METTL25: variants seen among roughly 807,000 people sequenced by gnomAD.
METTL25 encodes the protein probable methyltransferase-like protein 25.
In METTL25, 64 loss-of-function variants were observed where a neutral mutation model predicts 71.6. The ratio of observed to expected loss-of-function variants is 0.89; its 90% CI spans 0.73 to 1.10. The LOEUF (loss-of-function observed/expected upper bound fraction) is 1.10. Among genes scored for constraint, METTL25 ranks in the 50% least tolerant of loss-of-function variants. The probability of loss-of-function intolerance (pLI) is 0.00; values close to 1 mark genes in which losing one functional copy is unlikely to be tolerated. For synonymous variants in METTL25, 287 were observed against 250.3 expected (o/e 1.15, Z -1.38); for missense variants, 807 against 707.0 (o/e 1.14, Z -1.60).
intron 9 of METTL25, among the ~76,000 whole-genome samples, chr12:82,461,004 A>G (rs545973988): frequency 9.2e-5 from 14 of 152,058 alleles, no homozygotes; most frequent in East Asian, 3.9e-4. Context: ...TTAGCCGGGC[A>G]TGGTGGCGGG....
At chr12:82,407,348 T>G (rs1887184094) in intron 5 of METTL25, among the ~76,000 whole-genome samples, 1 of 152,074 alleles carries the variant, frequency 6.6e-6, no homozygotes, top group Non-Finnish European at 1.5e-5. Flanking sequence ...TCACTGTAGG[T>G]TTGCAGGACA....
In METTL25 at chr12:82,436,942, A is replaced by G. The variant is rs1259520441; in HGVS notation, c.1405-1776A>G. 3.3e-5 allele frequency among the ~76,000 whole-genome samples: 5 copies of G among 151,790 alleles called. No homozygotes were observed. The South Asian group carries it at 1.0e-3, about 31-fold the overall frequency. On this transcript the variant is annotated intron_variant, in intron 7 of 11. Transcript: ENST00000248306. ...CTTGCGAAAGTGACTTTGAATTTCA[A>G]TAAAATGTTATAGGAATAGGTATTA...
intron 3 of METTL25, among the ~76,000 whole-genome samples, chr12:82,394,885 CTT>C (rs1213684616): frequency 6.6e-6 from 1 of 151,756 alleles, no homozygotes; most frequent in African/African-American, 2.4e-5. Context: ...AGAGGAAAAA[CTT>C]TTCTTATAGA....
At chr12:82,441,676 T>C (rs1236308776) in intron 8 of METTL25, among the ~76,000 whole-genome samples, 1 of 148,932 alleles carries the variant, frequency 6.7e-6, no homozygotes, top group Non-Finnish European at 1.5e-5. Context: ...AAGGTAGTAA[T>C]CTAGAACCAC....
rs369699610 is a variant in METTL25, at chr12:82,463,277, C to G, written c.1572+6457C>G. ...GGATCCTCTGTACTATATTTTACTTCTAGGAGATTAACTTTTTTTTTCCAG... is the reference window on the plus strand; with the variant it reads ...GGATCCTCTGTACTATATTTTACTTGTAGGAGATTAACTTTTTTTTTCCAG... On this transcript the variant is annotated intron_variant, in intron 9 of 11. Transcript: ENST00000248306. Among the ~76,000 whole-genome samples the G allele has an allele frequency of 1.1e-4, 16 of 152,072 alleles. 1 individual carries two copies. Among genetic ancestry groups the G allele is most frequent in the African/African-American group, 3.4e-4 (14 of 41,552 alleles).
At chr12:82,383,769 G>A (rs544759366) in intron 1 of METTL25, among the ~76,000 whole-genome samples, 7 of 151,720 alleles carry the variant, frequency 4.6e-5, no homozygotes, top group Non-Finnish European at 1.0e-4. Context: ...AATATTATAT[G>A]TTTTTCTGCC....
chr12:82,466,685 A>G (rs900377201), intron 9 of METTL25, among the ~76,000 whole-genome samples: 1 of 152,056 alleles, frequency 6.6e-6, no homozygotes, highest in Non-Finnish European at 1.5e-5. Flanking sequence ...CAATGCTGAG[A>G]GTGAGGTGAA....
chr12:82,366,750 ATAAT>A (rs1341191048), intron 1 of METTL25, among the ~76,000 whole-genome samples: 8 of 152,210 alleles, frequency 5.3e-5, no homozygotes, highest in African/African-American at 1.9e-4. Context: ...CAACGGAGAA[ATAAT>A]TAGTGTGTTC....
At chr12:82,442,852 C>T (rs1890451778) in intron 8 of METTL25, among the ~76,000 whole-genome samples, 2 of 151,690 alleles carry the variant, frequency 1.3e-5, no homozygotes, top group African/African-American at 4.8e-5. Flanking sequence ...AGAACCAAAA[C>T]ATTAAAAAAA....
chr12:82,442,349 A>C (rs1890413563), intron 8 of METTL25, among the ~76,000 whole-genome samples: 1 of 152,178 alleles, frequency 6.6e-6, no homozygotes, highest in African/African-American at 2.4e-5. Context: ...TCAGTGAGTG[A>C]GTATTTAAGC....
At chr12:82,388,725 A>C (rs2136954310) in intron 2 of METTL25, 1 of 152,244 alleles carries the variant, frequency 6.6e-6, no homozygotes, top group African/African-American at 2.4e-5. Flanking sequence ...CCATGTAGAG[A>C]GATGCATGCT....
chr12:82,425,324 G>T (rs766785995), intron 5 of METTL25, among the ~76,000 whole-genome samples: 2 of 152,138 alleles, frequency 1.3e-5, no homozygotes, highest in Admixed American at 6.6e-5. Context: ...ACCACTGCAG[G>T]CATTTGAGTT....
chr12:82,401,231 CATTTT>C (rs1365777225), intron 4 of METTL25, among the ~76,000 whole-genome samples: 9 of 151,796 alleles, frequency 5.9e-5, no homozygotes, highest in African/African-American at 1.7e-4. Flanking sequence ...GCTAAAATAA[CATTTT>C]AGTAAAATAA....
At chr12:82,440,721 A>G (rs1890253899) in intron 8 of METTL25, among the ~76,000 whole-genome samples, 1 of 152,080 alleles carries the variant, frequency 6.6e-6, no homozygotes, top group Non-Finnish European at 1.5e-5. Flanking sequence ...CCTGCTTTCA[A>G]TAACATACTA....
intron 5 of METTL25, among the ~76,000 whole-genome samples, chr12:82,415,806 C>A (rs1393458134): frequency 1.3e-5 from 2 of 152,108 alleles, no homozygotes; most frequent in Admixed American, 6.6e-5. Flanking sequence ...CATTTCTTCC[C>A]AAAACTCCTT....
intron 8 of METTL25, among the ~76,000 whole-genome samples, chr12:82,446,936 A>G (rs1890794929): frequency 6.6e-6 from 1 of 152,190 alleles, no homozygotes; most frequent in African/African-American, 2.4e-5. Context: ...CTTGAAACAA[A>G]TGAAAATGAA....
chr12:82,379,038 C>T (rs1884168274), intron 1 of METTL25, among the ~76,000 whole-genome samples: 1 of 148,964 alleles, frequency 6.7e-6, no homozygotes, highest in African/African-American at 2.6e-5. Flanking sequence ...TCTCAAAAGA[C>T]AACAACAGCA....
chr12:82,358,682 G>A lies in METTL25; in HGVS notation c.117G>A (p.Val39=). The A allele has an allele frequency of 6.2e-7, 1 of 1,614,186 alleles. No homozygotes were observed. The change falls in exon 1 of 12, where the codon GTG becomes GTA. Residue 39 remains valine, a synonymous_variant. Transcript: ENST00000248306. ...DALSISNAHT[V]DFYTESVWEE... ...TGTCCATTTCCAATGCACATACCGTGGATTTCTACACAGAATCCGTGTGGG... is the reference window on the plus strand; with the variant it reads ...TGTCCATTTCCAATGCACATACCGTAGATTTCTACACAGAATCCGTGTGGG...
rs113420853 is a variant in METTL25 at position 82,364,266 on chromosome 12, A to G, written c.259+5442A>G. On this transcript the variant is annotated intron_variant, in intron 1 of 11. Coordinates refer to ENST00000248306, the MANE Select transcript of METTL25 (RefSeq NM_032230.3). ...TTGCCTCTGTGATTATCTCATTCAC[A>G]TAGGTGGCCATAATATTTCATTCGC... Among the ~76,000 whole-genome samples, 597 of 152,308 alleles carry G rather than the reference A, an allele frequency of 3.9e-3. 3 individuals are homozygous for G. The highest frequency in any genetic ancestry group is 0.014 in the African/African-American group (568 of 41,558).
Sources: allele counts gnomAD v4.1 joint callset (sites outside exome capture counted in the v4.1 genomes callset), GRCh38; gene constraint gnomAD v4.1.1; transcripts MANE v1.5; gene names NCBI Gene and HGNC (gene_info 2026-07-23, HGNC 2026-07-21).